The following RTN3 variants were observed in gnomAD, a reference collection of about 807,000 sequenced individuals.
The protein encoded by RTN3 is reticulon 3.
RTN3 carries 49 observed loss-of-function variants against 77.8 expected under a neutral mutation model. That is an observed-to-expected ratio of 0.63 (90% CI 0.50 to 0.80). The LOEUF is 0.80. RTN3 is among the 30% of genes least tolerant of loss of function. RTN3 has a pLI of 0.00. For missense variants in RTN3, 1,236 were observed against 1,211.9 expected (o/e 1.02, Z -0.29); for synonymous variants, 464 against 446.9 (o/e 1.04, Z -0.48).
intron 3 of RTN3, among the ~76,000 whole-genome samples, chr11:63,748,411 G>A (rs1447606510): frequency 2.7e-5 from 4 of 148,910 alleles, no homozygotes; most frequent in Non-Finnish European, 3.0e-5. Context: ...GCAGTGGCAC[G>A]ATGTTGGCTC....
intron 3 of RTN3, among the ~76,000 whole-genome samples, chr11:63,738,017 G>T (rs1434876936): frequency 6.6e-6 from 1 of 152,144 alleles, no homozygotes; most frequent in Admixed American, 6.5e-5. Flanking sequence ...CAAAATTTGG[G>T]CCTGAGTTTA....
intron 2 of RTN3, among the ~76,000 whole-genome samples, chr11:63,716,506 C>A (rs926797102): frequency 1.3e-5 from 2 of 152,146 alleles, no homozygotes; most frequent in African/African-American, 2.4e-5. Flanking sequence ...CCACTTTGTC[C>A]CAGCTCCAAA....
At chr11:63,748,661 CTTT>C (rs561644667) in intron 3 of RTN3, among the ~76,000 whole-genome samples, 1 of 105,916 alleles carries the variant, frequency 9.4e-6, no homozygotes, top group Non-Finnish European at 1.9e-5. Context: ...GCCCCACTCA[CTTT>C]TTTTTTTTTT....
chr11:63,720,294 G>A lies in RTN3; in HGVS notation c.1792G>A (p.Val598Ile). 1 of 1,613,314 alleles carries A rather than the reference G, an allele frequency of 6.2e-7. No individual in the cohort carries two copies. The highest frequency in any genetic ancestry group is 1.3e-5 in the African/African-American group (1 of 75,008). Residue 598 changes from valine to isoleucine, a missense_variant, in exon 3 of 9, where the codon GTT (valine) becomes ATT (isoleucine). By Grantham distance (29) the Val-to-Ile change is conservative (BLOSUM62 3). Transcript: ENST00000377819. ...TNVSLEDVSE[V>I]APEKPITTEN... ...TGTCTCCTTAGAAGATGTGAGTGAA[G>A]TTGCTCCTGAAAAGCCTATTACTAC...
chr11:63,718,419 G>A (rs186608743), intron 2 of RTN3, among the ~76,000 whole-genome samples: 2 of 152,186 alleles, frequency 1.3e-5, no homozygotes, highest in African/African-American at 4.8e-5. Context: ...TGCTTTCTCT[G>A]TACAATGGAA....
chr11:63,739,452 C>T (rs1371283078), intron 3 of RTN3, among the ~76,000 whole-genome samples: 2 of 152,156 alleles, frequency 1.3e-5, no homozygotes, highest in East Asian at 1.9e-4. Context: ...AGGTTGTGTA[C>T]TAGTGTGGCA....
chr11:63,727,816 A>AGAG (rs1487850409), intron 3 of RTN3, among the ~76,000 whole-genome samples: 1 of 152,170 alleles, frequency 6.6e-6, no homozygotes, highest in Non-Finnish European at 1.5e-5. Context: ...TCCTAGCAGG[A>AGAG]GAGGAAAGTG....
At chr11:63,747,049 C>T in intron 3 of RTN3, 1 of 455,704 alleles carries the variant, frequency 2.2e-6, no homozygotes, top group Non-Finnish European at 4.4e-6. Context: ...CTTTCTCTTT[C>T]ACACCACTGA....
At chr11:63,705,961 G>A in intron 2 of RTN3, among the ~76,000 whole-genome samples, 1 of 152,172 alleles carries the variant, frequency 6.6e-6, no homozygotes, top group East Asian at 1.9e-4. Context: ...TGTCAATTGA[G>A]AACCTTTATT....
At chr11:63,717,996 C>T (rs558509174) in intron 2 of RTN3, among the ~76,000 whole-genome samples, 25 of 120,556 alleles carry the variant, frequency 2.1e-4, no homozygotes, top group South Asian at 7.9e-4. Flanking sequence ...GCCTGGGCAA[C>T]AAGAAAAAGA....
rs2012642450 is a variant in RTN3, at chr11:63,730,874, A to G, written c.2530+9842A>G. On this transcript the variant is annotated intron_variant, in intron 3 of 8. Coordinates refer to ENST00000377819, the MANE Select transcript of RTN3 (RefSeq NM_001265589.2). ...CAATCTGTAATAATTGGAAAATTTA[A>G]TACCTCTTTCTCAGCAATTAACTAG... 2.0e-5 allele frequency among the ~76,000 whole-genome samples: 3 copies of G among 152,234 alleles called. No homozygotes were observed. In the South Asian group the frequency reaches 6.2e-4, roughly 32 times the overall value.
At chr11:63,735,595 TC>T (rs2013059213) in intron 3 of RTN3, among the ~76,000 whole-genome samples, 18 of 149,272 alleles carry the variant, frequency 1.2e-4, no homozygotes, top group Admixed American at 7.4e-4. Flanking sequence ...TCTCTCTCTC[TC>T]TCTCTTTCTT....
At chr11:63,691,068 C>G (rs1289070962) in intron 1 of RTN3, among the ~76,000 whole-genome samples, 4 of 149,296 alleles carry the variant, frequency 2.7e-5, no homozygotes, top group African/African-American at 7.4e-5. Flanking sequence ...AATCTGCTTT[C>G]TGACTCTGTG....
At chr11:63,737,110 G>A (rs1270790755) in intron 3 of RTN3, among the ~76,000 whole-genome samples, 1 of 151,828 alleles carries the variant, frequency 6.6e-6, no homozygotes, top group Admixed American at 6.6e-5. Flanking sequence ...CTGGGACTAC[G>A]GGTATACGCC....
At position 63,754,712 on chromosome 11, in the gene RTN3, A is replaced by G. The variant is rs1464005603; in HGVS notation, c.2994+1004A>G. On this transcript the variant is annotated intron_variant, in intron 7 of 8. Coordinates refer to ENST00000377819, the MANE Select transcript of RTN3 (RefSeq NM_001265589.2). The stretch of plus-strand genomic sequence containing the variant: ...AAGACTCCATCTCAAAAAAAAAAAA[A>G]AAAAAACGCTTAGATGGGAGATTGA... Among the ~76,000 whole-genome samples, 11 of 150,138 alleles carry G rather than the reference A, an allele frequency of 7.3e-5. 1 individual carries two copies. Among genetic ancestry groups the G allele is most frequent in the South Asian group, 6.3e-4 (3 of 4,742 alleles).
intron 2 of RTN3, among the ~76,000 whole-genome samples, chr11:63,717,981 C>G (rs1290042134): frequency 6.8e-6 from 1 of 146,894 alleles, no homozygotes; most frequent in Non-Finnish European, 1.5e-5. Context: ...CGCCATTGCA[C>G]TTCAGCCTGG....
chr11:63,681,462 G>C (rs894590593), upstream of RTN3: 2 of 597,686 alleles, frequency 3.3e-6, no homozygotes, highest in Non-Finnish European at 2.5e-6. Flanking sequence ...ATGCGCGCTC[G>C]CGCTCCCGCC....
chr11:63,681,777 G>C lies in RTN3; in HGVS notation c.141G>C (p.Ala47=), dbSNP rs765400741. Residue 47 remains alanine, a splice_region_variant and synonymous_variant, in exon 1 of 9, where the codon GCG becomes GCC. Coordinates refer to ENST00000377819, the MANE Select transcript of RTN3 (RefSeq NM_001265589.2). ...CGAAGAGCTGCAGCTCCTCCTGTGC[G>C]GGTAAGGCGCGCGGGGAGCCCCCGC... The part of the protein sequence containing the change: ...LGTKSCSSSC[A]DSFVSSSSSQ... The C allele has an allele frequency of 1.9e-6, 3 of 1,576,984 alleles. No homozygotes were observed. Among genetic ancestry groups the C allele is most frequent in the South Asian group, 1.1e-5 (1 of 88,716 alleles).
At position 63,719,242 on chromosome 11, in the gene RTN3, C is replaced by T. The variant is rs764065376; in HGVS notation, c.740C>T (p.Pro247Leu). The change falls in exon 3 of 9, where the codon CCA (proline) becomes CTA (leucine). Residue 247 changes from proline (P) to leucine (L), a missense_variant. By Grantham distance (98) the Pro-to-Leu change is moderately conservative (BLOSUM62 -3). This residue lies in a region of RTN3 where 1,056 missense variants were observed against 990.4 expected (regional missense o/e 1.07). Transcript: ENST00000377819. The stretch of plus-strand genomic sequence containing the variant: ...ATTGAAAAGGATTCCCCTGAATCAC[C>T]ATTTGAAGTAATTATTGACAAAGCA... ...DVIEKDSPES[P>L]FEVIIDKAAF... 1.3e-5 allele frequency: 21 copies of T among 1,614,070 alleles called. 1 individual carries two copies. The Middle Eastern group carries it at 5.0e-4, about 38-fold the overall frequency.
Sources: allele counts gnomAD v4.1 joint callset (sites outside exome capture counted in the v4.1 genomes callset), GRCh38; gene constraint gnomAD v4.1.1; regional missense constraint gnomAD v4.1.1; transcripts MANE v1.5; gene names NCBI Gene and HGNC (gene_info 2026-07-23, HGNC 2026-07-21).